Variants in GPLD1 observed in about 807,000 individuals in gnomAD.
GPLD1 encodes the protein phosphatidylinositol-glycan-specific phospholipase D.
A neutral mutation model predicts 112.6 loss-of-function variants in GPLD1; 84 were observed. The observed-to-expected ratio is 0.75, with a 90% CI of 0.63 to 0.89. The LOEUF (loss-of-function observed/expected upper bound fraction) is 0.89, where lower values mean the gene tolerates loss of function less well. GPLD1 is among the 40% of genes least tolerant of loss of function. GPLD1 has a pLI of 0.00. For synonymous variants in GPLD1, 386 were observed against 403.8 expected (o/e 0.96, Z 0.53); for missense variants, 1,044 against 1,051.5 (o/e 0.99, Z 0.10).
At chr6:24,491,234 G>A (rs1454323205), upstream of GPLD1, among the ~76,000 whole-genome samples, 2 of 152,088 alleles carry the variant, frequency 1.3e-5, no homozygotes, top group Admixed American at 1.3e-4. Context: ...CTGTCACTCT[G>A]GGCCTTCTAC....
chr6:24,481,584 C>A (rs553710936), intron 2 of GPLD1, among the ~76,000 whole-genome samples: 2 of 152,266 alleles, frequency 1.3e-5, no homozygotes, highest in African/African-American at 4.8e-5. Flanking sequence ...GCATGCCCAC[C>A]CTCACCACAG....
chr6:24,494,219 G>A (rs1220373184), upstream of GPLD1, among the ~76,000 whole-genome samples: 33 of 152,202 alleles, frequency 2.2e-4, no homozygotes, highest in Admixed American at 2.1e-3. Flanking sequence ...TGTGGCAACT[G>A]TAATGAGCAT....
intron 20 of GPLD1, among the ~76,000 whole-genome samples, chr6:24,440,802 G>A (rs781067869): frequency 1.3e-4 from 19 of 151,736 alleles, no homozygotes; most frequent in South Asian, 1.3e-3. Flanking sequence ...TAGGTAGGTA[G>A]GTAGGCAGAT....
chr6:24,456,743 A>C (rs1258510315), intron 12 of GPLD1, 106 bp from the exon 13 acceptor site: 1 of 695,076 alleles, frequency 1.4e-6, no homozygotes, highest in Admixed American at 2.6e-5. Context: ...ATGAGTTTTT[A>C]GAAGTGCTAA....
At chr6:24,492,105 G>A (rs1213500439), upstream of GPLD1, among the ~76,000 whole-genome samples, 1 of 152,130 alleles carries the variant, frequency 6.6e-6, no homozygotes, top group Non-Finnish European at 1.5e-5. Flanking sequence ...TGGAAATAGA[G>A]ACCCAAGGTG....
downstream of GPLD1, chr6:24,424,735 TAG>T (rs1762170190): frequency 6.6e-6 from 1 of 152,244 alleles, no homozygotes; most frequent in African/African-American, 2.4e-5. Context: ...TGGAAGATTC[TAG>T]AGTGTCCAGC....
chr6:24,463,233 G>C lies in GPLD1; in HGVS notation c.822-438C>G, dbSNP rs2744591. Among the ~76,000 whole-genome samples, 644 of 152,138 alleles carry C rather than the reference G, an allele frequency of 4.2e-3. 11 individuals are homozygous for C. The highest frequency in any genetic ancestry group is 0.015 in the African/African-American group (610 of 41,486). On this transcript the variant is annotated intron_variant, in intron 10 of 24. Coordinates refer to ENST00000230036, the MANE Select transcript of GPLD1 (RefSeq NM_001503.4). ...TTTCAATAATTAAATAGCTAATGAAGGATCCCCTTTTACAAGTGAAAAAGC... is the reference window on the plus strand; with the variant it reads ...TTTCAATAATTAAATAGCTAATGAACGATCCCCTTTTACAAGTGAAAAAGC...
In GPLD1 at chr6:24,460,533, C is replaced by A; in HGVS notation, c.888-134G>T. 2.3e-6 allele frequency: 2 copies of A among 855,078 alleles called. 1 individual carries two copies. The highest frequency in any genetic ancestry group is 3.4e-5 in the South Asian group (2 of 59,582). 53.0% of individuals were successfully genotyped at this position (855,078 alleles called of 1,614,324 possible). On this transcript the variant is annotated intron_variant, in intron 11 of 24. Coordinates refer to ENST00000230036, the MANE Select transcript of GPLD1 (RefSeq NM_001503.4). ...TTTTAACGTCAGAAGGCTGAAGGAG[C>A]AACACAGAAAGTTTTAGAAAACCTT... is the stretch of plus-strand genomic sequence containing the variant.
intron 1 of GPLD1, 32 bp downstream of exon 1, chr6:24,489,381 CCT>C (rs1228176659): frequency 5.1e-6 from 7 of 1,382,906 alleles, no homozygotes; most frequent in Non-Finnish European, 7.2e-6. Context: ...GATGTATTGT[CCT>C]CTCAACAACA....
intron 11 of GPLD1, among the ~76,000 whole-genome samples, chr6:24,461,717 TAAC>T (rs1446606000): frequency 6.6e-6 from 1 of 152,170 alleles, no homozygotes; most frequent in East Asian, 1.9e-4. Context: ...TCCTAACACT[TAAC>T]AATGTCCACA....
chr6:24,480,095 C>T (rs555138632), intron 2 of GPLD1, 136 bp from the exon 3 acceptor site: 168 of 604,522 alleles, frequency 2.8e-4, no homozygotes, highest in Middle Eastern at 1.0e-3. Flanking sequence ...GGAAGGAAAG[C>T]AGGCATAAAG....
rs4646830 is a variant in GPLD1 at position 24,494,822 on chromosome 6, C to G, written n.239+145G>C. 0.35 allele frequency: 248,212 copies of G among 714,560 alleles called. 44,536 individuals carry two copies. The highest frequency in any genetic ancestry group is 0.38 in the African/African-American group (20,475 of 53,956). The allele number at this position is 714,560 out of a possible 1,614,324, so 44.3% of individuals were successfully genotyped here. On this transcript the variant is annotated intron_variant and non_coding_transcript_variant, in intron 1 of 10. Coordinates refer to the GPLD1 transcript ENST00000474784. The stretch of plus-strand genomic sequence containing the variant: ...TGCAGAGGGCGGCGCGGCGGTGCAG[C>G]GAGAAAGACGCGGAGAGAGGGCGCT...
At chr6:24,442,280 G>A (rs1197393848) in intron 20 of GPLD1, among the ~76,000 whole-genome samples, 2 of 151,188 alleles carry the variant, frequency 1.3e-5, no homozygotes, top group African/African-American at 4.9e-5. Flanking sequence ...CCATCACTAT[G>A]CCTACCTTTT....
At chr6:24,483,344 G>A (rs9467194) in intron 2 of GPLD1, among the ~76,000 whole-genome samples, 13,310 of 151,702 alleles carry the variant, frequency 0.088, 1,478 homozygotes, top group African/African-American at 0.26. Flanking sequence ...AAAGTACTAT[G>A]ATACTGAAAC....
chr6:24,488,366 T>C (rs912616402), intron 1 of GPLD1, among the ~76,000 whole-genome samples: 1 of 151,464 alleles, frequency 6.6e-6, no homozygotes, highest in African/African-American at 2.4e-5. Context: ...GAGCCGAGAT[T>C]GCGCCACTGC....
chr6:24,426,624 GAC>G lies in GPLD1; in HGVS notation c.*2406_*2407del, dbSNP rs1762246632. Among the ~76,000 whole-genome samples, 1 of 152,116 alleles carries G rather than the reference GAC, an allele frequency of 6.6e-6. No individual in the cohort carries two copies. Among genetic ancestry groups the G allele is most frequent in the South Asian group, 2.1e-4 (1 of 4,824 alleles). On this transcript the variant is annotated 3_prime_UTR_variant, in exon 25 of 25. Transcript: ENST00000230036. ...TATCATTTAGTGAAGCATAAAAACT[GAC>G]ACTATATAAATGCATCCGTCTAATG...
chr6:24,467,745 A>AC (rs1561848480), intron 7 of GPLD1, among the ~76,000 whole-genome samples: 54 of 152,314 alleles, frequency 3.5e-4, no homozygotes, highest in African/African-American at 1.2e-3. Context: ...TAAAGTATAC[A>AC]AAAAAGTATA....
At chr6:24,491,437 G>A (rs1277427090), upstream of GPLD1, among the ~76,000 whole-genome samples, 1 of 152,100 alleles carries the variant, frequency 6.6e-6, no homozygotes, top group Non-Finnish European at 1.5e-5. Flanking sequence ...GGTGGCTCAC[G>A]CCTATAATCC....
chr6:24,438,645 C>G (rs1762652100), intron 20 of GPLD1, among the ~76,000 whole-genome samples: 1 of 152,232 alleles, frequency 6.6e-6, no homozygotes, highest in Non-Finnish European at 1.5e-5. Flanking sequence ...GCTCAGCAAT[C>G]TGGAGCTTTC....
Sources: gnomAD v4.1 joint callset for allele counts (sites outside exome capture counted in the v4.1 genomes callset) on GRCh38, gnomAD v4.1.1 for gene constraint, MANE v1.5 for transcripts, NCBI Gene and HGNC (gene_info 2026-07-23, HGNC 2026-07-21) for gene names.